NECAP2: variants seen among roughly 807,000 people sequenced by gnomAD.
The protein encoded by NECAP2 is NECAP endocytosis associated 2.
Under a neutral mutation model 37.8 loss-of-function variants are expected in NECAP2, and 38 were observed. The observed-to-expected ratio is 1.01, with a 90% CI of 0.78 to 1.32. The LOEUF is 1.32. NECAP2 is among the 40% of genes most tolerant of loss of function. The pLI is 0.00. For missense variants in NECAP2, 316 were observed against 334.5 expected (o/e 0.94, Z 0.43); for synonymous variants, 121 against 127.7 (o/e 0.95, Z 0.35).
At chr1:16,442,951 T>C (rs1034810496) in intron 1 of NECAP2, among the ~76,000 whole-genome samples, 5 of 152,232 alleles carry the variant, frequency 3.3e-5, no homozygotes, top group Admixed American at 2.6e-4. Flanking sequence ...GAGGCATTGC[T>C]GTAGGTTCAT....
At chr1:16,450,248 G>GTTT (rs35074812) in intron 5 of NECAP2, 3 of 356,736 alleles carry the variant, frequency 8.4e-6, no homozygotes, top group South Asian at 2.0e-5. Flanking sequence ...CCAGGTAGTG[G>GTTT]TTTTTTTTTG....
intron 7 of NECAP2, 122 bp from the exon 8 acceptor site, chr1:16,458,720 C>A: frequency 1.0e-6 from 1 of 994,834 alleles, no homozygotes; most frequent in Non-Finnish European, 1.5e-6. Flanking sequence ...CTGACTGCTG[C>A]TCTAGAACAT....
At position 16,451,823 on chromosome 1, in the gene NECAP2, C is replaced by T. The variant is rs1228385143; in HGVS notation, c.490-15C>T. The T allele has an allele frequency of 2.5e-6, 4 of 1,614,020 alleles. No individual in the cohort carries two copies. Among genetic ancestry groups the T allele is most frequent in the Admixed American group, 1.7e-5 (1 of 59,996 alleles). On this transcript the variant is annotated splice_polypyrimidine_tract_variant and intron_variant, in intron 5 of 7. Coordinates refer to ENST00000337132, the MANE Select transcript of NECAP2 (RefSeq NM_018090.5). Reference sequence around the variant, plus strand: ...CAGCAGAACGGGCTGATTTGCATTCCTCTTCCCTCTTTAGAACATGAAGAA... The same window carrying T: ...CAGCAGAACGGGCTGATTTGCATTCTTCTTCCCTCTTTAGAACATGAAGAA...
At chr1:16,452,571 A>G (rs1446786624) in intron 6 of NECAP2, among the ~76,000 whole-genome samples, 3 of 152,132 alleles carry the variant, frequency 2.0e-5, no homozygotes. Context: ...GGTACAGCAT[A>G]AGGTGTGCCA....
At chr1:16,446,845 A>G (rs1439718360) in intron 2 of NECAP2, among the ~76,000 whole-genome samples, 4 of 152,158 alleles carry the variant, frequency 2.6e-5, no homozygotes, top group African/African-American at 9.7e-5. Context: ...AGATCACCTG[A>G]GGTCAGGCAT....
chr1:16,447,810 A>G, intron 2 of NECAP2, 60 bp from the exon 3 acceptor site: 1 of 1,419,418 alleles, frequency 7.0e-7, no homozygotes, highest in South Asian at 1.1e-5. Flanking sequence ...GTAGTGTGGT[A>G]GAAAACCTTG....
At chr1:16,454,200 C>T (rs1253142256) in intron 6 of NECAP2, among the ~76,000 whole-genome samples, 1 of 151,630 alleles carries the variant, frequency 6.6e-6, no homozygotes, top group East Asian at 1.9e-4. Context: ...GCTGGGATTA[C>T]AGGCATGCGC....
chr1:16,451,456 A>G (rs958509191), intron 5 of NECAP2: 14 of 190,178 alleles, frequency 7.4e-5, no homozygotes, highest in Admixed American at 6.0e-4. Context: ...AATCCTTTCA[A>G]ATAATTTTTC....
chr1:16,456,984 G>A (rs952102920), intron 7 of NECAP2, among the ~76,000 whole-genome samples: 2 of 152,140 alleles, frequency 1.3e-5, no homozygotes, highest in Non-Finnish European at 2.9e-5. Flanking sequence ...TTATAGGCAC[G>A]AGCCAGTGTG....
rs927038534 is a variant in NECAP2, at chr1:16,453,032, A to G, written c.667+1017A>G. Among the ~76,000 whole-genome samples, 36 of 151,198 alleles carry G rather than the reference A, an allele frequency of 2.4e-4. 1 individual carries two copies. Among genetic ancestry groups the G allele is most frequent in the African/African-American group, 7.5e-4 (31 of 41,092 alleles). ...TACCAGGAACTGTTCTTTAAGTGCT[A>G]TTTCTCAGAGTGGGGTCATAGGACC... On this transcript the variant is annotated intron_variant, in intron 6 of 7. Coordinates refer to ENST00000337132, the MANE Select transcript of NECAP2 (RefSeq NM_018090.5).
intron 2 of NECAP2, among the ~76,000 whole-genome samples, chr1:16,446,464 C>T (rs561034249): frequency 1.2e-4 from 18 of 152,092 alleles, no homozygotes; most frequent in Non-Finnish European, 1.8e-4. Context: ...GAGGCTGAAG[C>T]GGGAAGATTA....
intron 6 of NECAP2, among the ~76,000 whole-genome samples, chr1:16,454,355 C>T (rs918629514): frequency 7.6e-5 from 11 of 144,434 alleles, no homozygotes; most frequent in Non-Finnish European, 1.7e-4. Flanking sequence ...CACCGCACCT[C>T]GCCTACTTAT....
At chr1:16,458,530 AT>A (rs1557694528) in intron 7 of NECAP2, among the ~76,000 whole-genome samples, 1 of 151,880 alleles carries the variant, frequency 6.6e-6, no homozygotes. Flanking sequence ...GGTTGAGGCT[AT>A]AGTTGGCCTT....
intron 7 of NECAP2, among the ~76,000 whole-genome samples, chr1:16,456,451 A>T (rs1422465180): frequency 6.6e-6 from 1 of 152,140 alleles, no homozygotes; most frequent in African/African-American, 2.4e-5. Context: ...CCCTTTGCAA[A>T]TCTGGGCCTT....
At chr1:16,449,921 G>C (rs1471990579) in intron 5 of NECAP2, 2 of 250,836 alleles carry the variant, frequency 8.0e-6, no homozygotes, top group Non-Finnish European at 1.6e-5. Context: ...GGCTGCAAGG[G>C]TGGAGAGGGG....
At chr1:16,444,989 A>AT (rs1225209001) in intron 2 of NECAP2, among the ~76,000 whole-genome samples, 1 of 151,742 alleles carries the variant, frequency 6.6e-6, no homozygotes, top group Non-Finnish European at 1.5e-5. Flanking sequence ...CGCCCAGCTA[A>AT]TTTTTTTTGT....
At chr1:16,443,871 C>G (rs537213884) in intron 2 of NECAP2, 139 bp downstream of exon 2, 1 of 656,272 alleles carries the variant, frequency 1.5e-6, no homozygotes, top group Admixed American at 2.4e-5. Context: ...TACCTTTAAG[C>G]TGTACCATTC....
At chr1:16,455,474 AATAG>A (rs1434328779) in intron 6 of NECAP2, 1 of 257,890 alleles carries the variant, frequency 3.9e-6, no homozygotes, top group Admixed American at 4.6e-5. Context: ...GTAAATTTTA[AATAG>A]ATTTCAACAT....
At chr1:16,446,999 G>T (rs1214269992) in intron 2 of NECAP2, among the ~76,000 whole-genome samples, 2 of 151,282 alleles carry the variant, frequency 1.3e-5, no homozygotes, top group Non-Finnish European at 2.9e-5. Flanking sequence ...GGCGGAGGTT[G>T]CAGTGAGCCG....
Sources: gnomAD v4.1 joint callset for allele counts (sites outside exome capture counted in the v4.1 genomes callset) on GRCh38, gnomAD v4.1.1 for gene constraint, MANE v1.5 for transcripts, NCBI Gene and HGNC (gene_info 2026-07-23, HGNC 2026-07-21) for gene names.